ROBO1: variants seen among roughly 807,000 people sequenced by gnomAD.
ROBO1 encodes the protein roundabout homolog 1.
A neutral mutation model predicts 195.9 loss-of-function variants in ROBO1; 149 were observed. The observed-to-expected ratio is 0.76, with a 90% CI of 0.67 to 0.87. ROBO1 has a LOEUF of 0.87. Among genes scored for constraint, ROBO1 ranks in the 40% least tolerant of loss-of-function variants. The pLI, the probability that ROBO1 is intolerant of heterozygous loss-of-function variation, is 0.00. For synonymous variants in ROBO1, 816 were observed against 733.2 expected, an observed-to-expected ratio of 1.11 and a Z score of -1.82; for missense variants, 1,933 against 2,068.3, an observed-to-expected ratio of 0.93 and a Z score of 1.27.
intron 3 of ROBO1, among the ~76,000 whole-genome samples, chr3:79,033,044 T>A (rs1378042904): frequency 6.6e-6 from 1 of 152,084 alleles, no homozygotes. Flanking sequence ...ACATGAATTT[T>A]AAAAAATATT....
intron 1 of ROBO1, among the ~76,000 whole-genome samples, chr3:79,760,730 A>T (rs1488402962): frequency 2.6e-5 from 4 of 151,526 alleles, no homozygotes; most frequent in African/African-American, 9.6e-5. Context: ...TTAAATATTC[A>T]TGGGGGCTTT....
At chr3:79,558,236 C>T (rs1942782655) in intron 2 of ROBO1, among the ~76,000 whole-genome samples, 1 of 152,130 alleles carries the variant, frequency 6.6e-6, no homozygotes, top group African/African-American at 2.4e-5. Context: ...TCTTCCATCT[C>T]TGCCACCCCT....
intron 1 of ROBO1, among the ~76,000 whole-genome samples, chr3:79,649,992 T>G (rs1945954260): frequency 6.6e-6 from 1 of 152,016 alleles, no homozygotes; most frequent in Non-Finnish European, 1.5e-5. Context: ...AGATAATTAT[T>G]GACAAAAATT....
intron 2 of ROBO1, among the ~76,000 whole-genome samples, chr3:79,227,353 T>G (rs1395455967): frequency 6.6e-6 from 1 of 152,180 alleles, no homozygotes; most frequent in Non-Finnish European, 1.5e-5. Flanking sequence ...CCATCCATAT[T>G]CAATGTTTCT....
intron 2 of ROBO1, among the ~76,000 whole-genome samples, chr3:79,301,217 A>G (rs930944535): frequency 2.0e-5 from 3 of 152,080 alleles, no homozygotes; most frequent in Non-Finnish European, 2.9e-5. Flanking sequence ...CCACCAGAAG[A>G]AAAAAACTCC....
At chr3:79,107,894 C>T (rs1025201575) in intron 3 of ROBO1, among the ~76,000 whole-genome samples, 8 of 151,644 alleles carry the variant, frequency 5.3e-5, no homozygotes, top group Non-Finnish European at 1.2e-4. Flanking sequence ...TTCCCTTGAA[C>T]CTGATAAAAC....
chr3:79,456,959 T>C (rs948545932), intron 2 of ROBO1, among the ~76,000 whole-genome samples: 1 of 152,140 alleles, frequency 6.6e-6, no homozygotes, highest in African/African-American at 2.4e-5. Context: ...ATCCCTACAC[T>C]CCAGAGTTAA....
At chr3:79,667,888 C>A (rs1946518950) in intron 1 of ROBO1, among the ~76,000 whole-genome samples, 1 of 151,730 alleles carries the variant, frequency 6.6e-6, no homozygotes. Flanking sequence ...AAAAAAAAAT[C>A]TCATTTGGAA....
chr3:79,455,020 C>T (rs2039570876), intron 2 of ROBO1, among the ~76,000 whole-genome samples: 1 of 152,006 alleles, frequency 6.6e-6, no homozygotes, highest in Non-Finnish European at 1.5e-5. Flanking sequence ...CCTTACTTCT[C>T]AAGAGAGATT....
At chr3:78,646,329 A>T (rs1220984041) in intron 20 of ROBO1, 139 bp from the exon 21 acceptor site, 2 of 609,296 alleles carry the variant, frequency 3.3e-6, no homozygotes, top group Non-Finnish European at 5.7e-6. Context: ...CACATGACGT[A>T]ACAGATTGAT....
At chr3:79,767,516 A>C (rs1034716865) in intron 1 of ROBO1, among the ~76,000 whole-genome samples, 3 of 152,216 alleles carry the variant, frequency 2.0e-5, no homozygotes, top group Admixed American at 1.3e-4. Context: ...GCATCCCTGC[A>C]GGAAAACTTG....
At chr3:78,719,408 GTTAA>G (rs918079297) in intron 5 of ROBO1, among the ~76,000 whole-genome samples, 1 of 151,784 alleles carries the variant, frequency 6.6e-6, no homozygotes, top group Admixed American at 6.6e-5. Context: ...AAAAAAACAC[GTTAA>G]TTATTGTTAG....
intron 2 of ROBO1, among the ~76,000 whole-genome samples, chr3:79,318,887 C>T (rs1473570081): frequency 1.3e-5 from 2 of 152,164 alleles, no homozygotes; most frequent in Non-Finnish European, 2.9e-5. Context: ...CTAATAGCCA[C>T]ATTTTAGAGA....
chr3:79,571,349 T>A (rs960178449), intron 2 of ROBO1, among the ~76,000 whole-genome samples: 1 of 152,084 alleles, frequency 6.6e-6, no homozygotes, highest in East Asian at 1.9e-4. Flanking sequence ...ATATGAGACT[T>A]GCTCCTCTAC....
intron 28 of ROBO1, among the ~76,000 whole-genome samples, chr3:78,613,648 T>C (rs2107352009): frequency 6.6e-6 from 1 of 152,294 alleles, no homozygotes. Context: ...AGCCACTCAT[T>C]GCAAAATTAC....
intron 18 of ROBO1, 66 bp downstream of exon 18, chr3:78,657,032 A>C: frequency 6.8e-7 from 1 of 1,462,588 alleles, no homozygotes; most frequent in Non-Finnish European, 9.1e-7. Flanking sequence ...AGCCACATGC[A>C]AAAAAGCAAA....
At chr3:78,771,496 A>C (rs1469656891) in intron 4 of ROBO1, among the ~76,000 whole-genome samples, 3 of 152,160 alleles carry the variant, frequency 2.0e-5, no homozygotes, top group Non-Finnish European at 2.9e-5. Flanking sequence ...CAGTATGGCC[A>C]CTTTAATAAT....
intron 4 of ROBO1, among the ~76,000 whole-genome samples, chr3:78,872,185 A>G (rs185234815): frequency 1.3e-5 from 2 of 152,032 alleles, no homozygotes; most frequent in East Asian, 3.9e-4. Context: ...TCTAACAAAT[A>G]CTCTTTTCTG....
chr3:78,931,084 G>A (rs1417603910), intron 4 of ROBO1, among the ~76,000 whole-genome samples: 1 of 151,388 alleles, frequency 6.6e-6, no homozygotes, highest in Admixed American at 6.6e-5. Flanking sequence ...TTTCATTTTT[G>A]GTCACCATTG....
Sources: allele counts gnomAD v4.1 joint callset (sites outside exome capture counted in the v4.1 genomes callset), GRCh38; gene constraint gnomAD v4.1.1; transcripts MANE v1.5; gene names NCBI Gene and HGNC (gene_info 2026-07-23, HGNC 2026-07-21).